PKHD1: variants seen among roughly 807,000 people sequenced by gnomAD.
PKHD1 encodes the protein PKHD1 ciliary IPT domain containing fibrocystin/polyductin, also known as fibrocystin.
Under a neutral mutation model 412.0 loss-of-function variants are expected in PKHD1, and 291 were observed. The ratio of observed to expected loss-of-function variants is 0.71; its 90% CI spans 0.64 to 0.78. The LOEUF (loss-of-function observed/expected upper bound fraction) is 0.78. Ranked by LOEUF, PKHD1 falls within the 30% of genes least tolerant of loss-of-function variation. PKHD1 has a pLI of 0.00. For synonymous variants in PKHD1, 1,777 were observed against 1,821.5 expected (o/e 0.98, Z 0.62); for missense variants, 4,825 against 4,950.7 (o/e 0.97, Z 0.76).
At chr6:51,792,341 A>C (rs1010951081) in intron 52 of PKHD1, among the ~76,000 whole-genome samples, 1 of 152,244 alleles carries the variant, frequency 6.6e-6, no homozygotes, top group Non-Finnish European at 1.5e-5. Flanking sequence ...CAACACATGT[A>C]AAGATTTATA....
chr6:51,964,531 A>G (rs1385197725), intron 35 of PKHD1, among the ~76,000 whole-genome samples: 2 of 152,116 alleles, frequency 1.3e-5, no homozygotes, highest in East Asian at 1.9e-4. Flanking sequence ...TAATCAGTCA[A>G]CCCCTAATAG....
chr6:52,019,702 T>G (rs923213722), intron 33 of PKHD1, among the ~76,000 whole-genome samples: 13 of 152,206 alleles, frequency 8.5e-5, no homozygotes, highest in African/African-American at 2.9e-4. Context: ...AAGTTAAAGT[T>G]TCCATGAAAA....
intron 60 of PKHD1, among the ~76,000 whole-genome samples, chr6:51,694,007 CAATT>C (rs1161856680): frequency 1.3e-5 from 2 of 152,092 alleles, no homozygotes; most frequent in Non-Finnish European, 2.9e-5. Context: ...ACTATATAAA[CAATT>C]AGTTAAGTTT....
chr6:51,635,490 T>C (rs1226350497), intron 64 of PKHD1, among the ~76,000 whole-genome samples: 1 of 152,146 alleles, frequency 6.6e-6, no homozygotes, highest in Non-Finnish European at 1.5e-5. Context: ...ACCAGGCTTT[T>C]CTACACCCTT....
chr6:51,691,427 T>C (rs1024641205), intron 60 of PKHD1, among the ~76,000 whole-genome samples: 1 of 152,128 alleles, frequency 6.6e-6, no homozygotes, highest in Admixed American at 6.6e-5. Flanking sequence ...AATTATAGCT[T>C]GGTTAAAGAA....
chr6:51,649,124 C>T lies in PKHD1; in HGVS notation c.11271G>A (p.Glu3757=), dbSNP rs2150366821. 3 of 1,613,884 alleles carry T rather than the reference C, an allele frequency of 1.9e-6. No homozygotes were observed. In the Admixed American group the frequency reaches 5.0e-5, roughly 27 times the overall value. Residue 3757 remains glutamate, a synonymous_variant, in exon 62 of 67, where the codon GAG becomes GAA. Transcript: ENST00000371117. Reference sequence around the variant, plus strand: ...ATACCAATTGTGGCTGCACTGGAAGCTCATTTCCCACTTCTCCATCTGAAG... The same window carrying T: ...ATACCAATTGTGGCTGCACTGGAAGTTCATTTCCCACTTCTCCATCTGAAG... The part of the protein sequence containing the change: ...VQPSDGEVGN[E]LPVQPQLVFL...
intron 60 of PKHD1, among the ~76,000 whole-genome samples, chr6:51,728,145 A>AT (rs903620005): frequency 3.3e-5 from 5 of 152,192 alleles, no homozygotes; most frequent in Admixed American, 6.5e-5. Context: ...TCAGATCCTG[A>AT]TAGTGACAAG....
In PKHD1 at chr6:51,727,767, G is replaced by A. The variant is rs191515910; in HGVS notation, c.10156+16618C>T. Among the ~76,000 whole-genome samples the A allele has an allele frequency of 2.9e-3, 437 of 152,218 alleles. 3 individuals are homozygous for A. The highest frequency in any genetic ancestry group is 5.6e-3 in the Admixed American group (85 of 15,294). On this transcript the variant is annotated intron_variant, in intron 60 of 66. Transcript: ENST00000371117. ...GCCCAGGAAGTTGCTTCTTCCTGGC[G>A]TCTCCATTCAATTAACACTTCAGTG... is the stretch of plus-strand genomic sequence containing the variant.
intron 60 of PKHD1, among the ~76,000 whole-genome samples, chr6:51,678,139 G>C (rs541021542): frequency 9.9e-5 from 15 of 152,130 alleles, no homozygotes; most frequent in South Asian, 2.1e-4. Context: ...AGCTTAGCGA[G>C]TGGGAGATCA....
intron 50 of PKHD1, among the ~76,000 whole-genome samples, chr6:51,842,216 G>A (rs1207342110): frequency 5.3e-5 from 8 of 152,156 alleles, no homozygotes; most frequent in South Asian, 4.1e-4. Flanking sequence ...CTCAGCTGCC[G>A]CCTCACACAA....
intron 49 of PKHD1, among the ~76,000 whole-genome samples, chr6:51,855,570 T>C (rs1231466326): frequency 1.3e-5 from 2 of 152,232 alleles, no homozygotes; most frequent in Non-Finnish European, 2.9e-5. Context: ...CAATAAGTTT[T>C]AAAGAAATGC....
intron 64 of PKHD1, among the ~76,000 whole-genome samples, chr6:51,634,508 C>T (rs1252678954): frequency 6.6e-6 from 1 of 152,152 alleles, no homozygotes; most frequent in Non-Finnish European, 1.5e-5. Flanking sequence ...AATGATTGCT[C>T]AGTAATTGTT....
chr6:51,738,128 C>T (rs571615553), intron 60 of PKHD1, among the ~76,000 whole-genome samples: 13 of 152,294 alleles, frequency 8.5e-5, no homozygotes, highest in Admixed American at 2.0e-4. Flanking sequence ...GGCCAGCACG[C>T]GTGGAGCAGC....
intron 60 of PKHD1, among the ~76,000 whole-genome samples, chr6:51,694,546 G>GA (rs1778560956): frequency 3.3e-5 from 2 of 60,054 alleles, no homozygotes; most frequent in African/African-American, 6.0e-5. Flanking sequence ...ACCACAACCA[G>GA]CCTTTTTTTT....
chr6:51,774,227 G>A (rs1289483513), intron 54 of PKHD1, among the ~76,000 whole-genome samples: 10 of 151,948 alleles, frequency 6.6e-5, no homozygotes, highest in African/African-American at 1.9e-4. Context: ...GTTGTTTCAA[G>A]AAGATTACAA....
intron 43 of PKHD1, among the ~76,000 whole-genome samples, chr6:51,899,216 A>G (rs1350167328): frequency 1.3e-5 from 2 of 150,720 alleles, no homozygotes; most frequent in Admixed American, 1.3e-4. Context: ...ACAACCAAAA[A>G]AGAGAACTTT....
At chr6:51,667,944 T>C (rs570642512) in intron 60 of PKHD1, among the ~76,000 whole-genome samples, 29 of 152,314 alleles carry the variant, frequency 1.9e-4, no homozygotes, top group African/African-American at 6.5e-4. Context: ...TTTTGGTTAC[T>C]GTAGCCTTGT....
intron 34 of PKHD1, among the ~76,000 whole-genome samples, chr6:52,017,146 T>A (rs990165448): frequency 6.6e-6 from 1 of 152,218 alleles, no homozygotes; most frequent in Non-Finnish European, 1.5e-5. Flanking sequence ...GATCGGAAGA[T>A]AAATATTAAA....
At chr6:51,769,420 G>A (rs73426066) in intron 55 of PKHD1, among the ~76,000 whole-genome samples, 27,904 of 150,954 alleles carry the variant, frequency 0.18, 3,380 homozygotes, top group African/African-American at 0.34. Context: ...ATTTTTCTCA[G>A]AAATGTTAAA....
Sources: gnomAD v4.1 joint callset for allele counts (sites outside exome capture counted in the v4.1 genomes callset) on GRCh38, gnomAD v4.1.1 for gene constraint, MANE v1.5 for transcripts, NCBI Gene and HGNC (gene_info 2026-07-23, HGNC 2026-07-21) for gene names.